PTBP3: variants seen among roughly 807,000 people sequenced by gnomAD.
PTBP3 encodes polypyrimidine tract binding protein 3.
PTBP3 carries 20 observed loss-of-function variants against 58.7 expected under a neutral mutation model. The ratio of observed to expected loss-of-function variants is 0.34; its 90% CI spans 0.24 to 0.50. The LOEUF is 0.50. PTBP3 is among the 20% of genes least tolerant of loss of function. PTBP3 has a pLI of 0.98. For synonymous variants in PTBP3, 185 were observed against 219.8 expected, an observed-to-expected ratio of 0.84 and a Z score of 1.40; for missense variants, 509 against 637.2, an observed-to-expected ratio of 0.80 and a Z score of 2.17.
At position 112,234,810 on chromosome 9, in the gene PTBP3, A is replaced by T; in HGVS notation, c.880+10T>A. ...TAAAAGTCATTTCAAATCCAACTTA[A>T]AAGAATCACCTGTAGCTTGAGGAAA... On this transcript the variant is annotated intron_variant, in intron 8 of 13. Transcript: ENST00000374257. The T allele has an allele frequency of 6.2e-7, 1 of 1,603,448 alleles. No homozygotes were observed. The highest frequency in any genetic ancestry group is 8.5e-7 in the Non-Finnish European group (1 of 1,170,782).
chr9:112,269,913 G>C (rs982235164), intron 3 of PTBP3, among the ~76,000 whole-genome samples: 1 of 149,674 alleles, frequency 6.7e-6, no homozygotes, highest in South Asian at 2.1e-4. Context: ...CATAAAACCA[G>C]TTAATTAAGT....
At chr9:112,226,929 A>T (rs1239465298) in intron 12 of PTBP3, among the ~76,000 whole-genome samples, 2 of 152,236 alleles carry the variant, frequency 1.3e-5, no homozygotes, top group East Asian at 3.8e-4. Context: ...CTGGTTAATA[A>T]AGAGACCTGT....
intron 4 of PTBP3, among the ~76,000 whole-genome samples, chr9:112,267,569 GT>G (rs1827149398): frequency 6.6e-6 from 1 of 152,176 alleles, no homozygotes; most frequent in South Asian, 2.1e-4. Flanking sequence ...GACTCAACGT[GT>G]GCTACATCAA....
rs191339291 is a variant in PTBP3, at chr9:112,232,194, T to C, written c.925A>G (p.Ile309Val). Residue 309 changes from isoleucine (I) to valine (V), a missense_variant, in exon 9 of 14, where the codon ATC becomes GTC. Ile to Val is a conservative substitution (Grantham distance 29). Coordinates refer to ENST00000374257, the MANE Select transcript of PTBP3 (RefSeq NM_001163788.4). ...CTTCCAGTGACAGCAGAAGAGGTGA[T>C]TGTGAGAGGACCAAGAGCTCCAGGA... Reference protein sequence around the residue: ...AVPGALGPLTITSSAVTGRMA... With the variant: ...AVPGALGPLTVTSSAVTGRMA... The C allele has an allele frequency of 2.0e-4, 317 of 1,611,866 alleles. 2 individuals are homozygous for C. The South Asian group carries it at 2.5e-3, about 13-fold the overall frequency.
Position 112,311,461 on chromosome 9 carries a change from A to T in PTBP3, c.-51-13545T>A, listed in dbSNP as rs528676073. Among the ~76,000 whole-genome samples the T allele has an allele frequency of 3.9e-5, 6 of 152,240 alleles. 1 individual carries two copies. In the South Asian group the frequency reaches 1.2e-3, roughly 32 times the overall value. ...ATGGAAATACAGTTGACCCTGAACA[A>T]CATGAGTGAGTTTGAACTGCCCGAG... On this transcript the variant is annotated intron_variant, in intron 1 of 13. Transcript: ENST00000374257.
At chr9:112,354,369 T>C in the PTBP3 span, among the ~76,000 whole-genome samples, 3 of 152,246 alleles carry the variant, frequency 2.0e-5, no homozygotes, top group Non-Finnish European at 4.4e-5. Flanking sequence ...CTGGCAAATG[T>C]TCAGCCTTGA....
chr9:112,274,619 T>C (rs1827531172), intron 3 of PTBP3, among the ~76,000 whole-genome samples: 1 of 152,198 alleles, frequency 6.6e-6, no homozygotes, highest in African/African-American at 2.4e-5. Flanking sequence ...CCTGTTACCT[T>C]CTCAAATGAA....
intron 5 of PTBP3, among the ~76,000 whole-genome samples, chr9:112,256,272 A>AATATATATAC (rs1260010370): frequency 0.014 from 1,163 of 82,410 alleles, 9 homozygotes; most frequent in African/African-American, 0.017. Flanking sequence ...AAAAAAACAA[A>AATATATATAC]ATATATATAT....
At chr9:112,256,294 C>CATAT (rs370450580) in intron 5 of PTBP3, among the ~76,000 whole-genome samples, 76 of 59,006 alleles carry the variant, frequency 1.3e-3, no homozygotes, top group African/African-American at 8.8e-3. Context: ...TATATATATA[C>CATAT]ATATATATAT....
rs34426952 is a variant in PTBP3, at chr9:112,287,334, G to GTTTTTTTTTTTTTTTTTTTTTTTTTTTTT, written c.34+10497_34+10498insAAAAAAAAAAAAAAAAAAAAAAAAAAAAA. 2.1e-5 allele frequency among the ~76,000 whole-genome samples: 2 copies of GTTTTTTTTTTTTTTTTTTTTTTTTTTTTT among 96,078 alleles called. 1 individual carries two copies. The allele number at this position is 96,078 out of a possible 152,430, so 63.0% of individuals were successfully genotyped here. The stretch of plus-strand genomic sequence containing the variant: ...TAAGGCTCTGTTCACTTCTTTTTCA[G>GTTTTTTTTTTTTTTTTTTTTTTTTTTTTT]TTTTTTGTTTTTTTTTTTTTTTTGA... On this transcript the variant is annotated intron_variant, in intron 2 of 13. Transcript: ENST00000374257.
chr9:112,313,088 G>A (rs149940553), intron 1 of PTBP3, among the ~76,000 whole-genome samples: 114 of 152,080 alleles, frequency 7.5e-4, no homozygotes, highest in African/African-American at 2.1e-3. Flanking sequence ...TATGTGGTAT[G>A]TACACACTAT....
chr9:112,346,643 T>C, the PTBP3 span, among the ~76,000 whole-genome samples: 3 of 152,270 alleles, frequency 2.0e-5, no homozygotes, highest in African/African-American at 7.2e-5. Flanking sequence ...TTTAGGAGAC[T>C]ATATGACTTT....
rs1834738755 is a variant in PTBP3, at chr9:112,219,719, A to G, written c.*4132T>C. On this transcript the variant is annotated 3_prime_UTR_variant, in exon 14 of 14. Coordinates refer to ENST00000374257, the MANE Select transcript of PTBP3 (RefSeq NM_001163788.4). ...ATATAGTACATATTTCCTGAAAACC[A>G]GAATACTGATACTACTTTAGTCTCA... The G allele has an allele frequency of 6.5e-6, 1 of 152,840 alleles. No individual in the cohort carries two copies. The highest frequency in any genetic ancestry group is 2.4e-5 in the African/African-American group (1 of 41,466). 9.5% of individuals were successfully genotyped at this position (152,840 alleles called of 1,614,324 possible). A position where few individuals can be genotyped will look rare whatever the true frequency, so the allele number is the denominator to read the frequency against.
chr9:112,258,674 A>C (rs1836470151), intron 5 of PTBP3, among the ~76,000 whole-genome samples: 1 of 152,124 alleles, frequency 6.6e-6, no homozygotes, highest in Non-Finnish European at 1.5e-5. Flanking sequence ...CTTTCTCTTC[A>C]GAACCACATC....
intron 3 of PTBP3, among the ~76,000 whole-genome samples, chr9:112,270,553 A>G (rs1232812922): frequency 6.6e-6 from 1 of 152,310 alleles, no homozygotes; most frequent in African/African-American, 2.4e-5. Context: ...GATAAGAATC[A>G]TAATTAAGCA....
chr9:112,294,316 A>C (rs1828574171), intron 2 of PTBP3, among the ~76,000 whole-genome samples: 1 of 152,130 alleles, frequency 6.6e-6, no homozygotes, highest in Non-Finnish European at 1.5e-5. Context: ...CAGGAGTTTG[A>C]GACCAGCCTA....
chr9:112,334,013 G>A (rs1348618444), upstream of PTBP3, among the ~76,000 whole-genome samples: 1 of 151,196 alleles, frequency 6.6e-6, no homozygotes, highest in Admixed American at 6.6e-5. Flanking sequence ...TCCCTCTGCC[G>A]GCAGGAAAAG....
intron 12 of PTBP3, 128 bp from the exon 13 acceptor site, chr9:112,224,338 G>T: frequency 1.8e-6 from 1 of 543,922 alleles, no homozygotes; most frequent in Non-Finnish European, 3.1e-6. Flanking sequence ...ACAAAGACTT[G>T]ATTTGGAAGT....
intron 3 of PTBP3, among the ~76,000 whole-genome samples, chr9:112,274,321 T>C (rs766910392): frequency 6.6e-6 from 1 of 152,350 alleles, no homozygotes; most frequent in Non-Finnish European, 1.5e-5. Flanking sequence ...GTATTTACCA[T>C]GTGTTTCTTA....
Sources: gnomAD v4.1 joint callset for allele counts (sites outside exome capture counted in the v4.1 genomes callset) on GRCh38, gnomAD v4.1.1 for gene constraint, MANE v1.5 for transcripts, NCBI Gene and HGNC (gene_info 2026-07-23, HGNC 2026-07-21) for gene names.